RC3H1: variants seen among roughly 807,000 people sequenced by gnomAD.
RC3H1 encodes ring finger and CCCH-type domains 1, also known as roquin-1.
In RC3H1, 50 loss-of-function variants were observed where a neutral mutation model predicts 138.2. That is an observed-to-expected ratio of 0.36 (90% CI 0.29 to 0.46). The LOEUF (loss-of-function observed/expected upper bound fraction) is 0.46. Among genes scored for constraint, RC3H1 ranks in the 20% least tolerant of loss-of-function variants. RC3H1 has a pLI of 1.00. For missense variants in RC3H1, 1,031 were observed against 1,388.1 expected, an observed-to-expected ratio of 0.74 and a Z score of 4.09; for synonymous variants, 462 against 489.1, an observed-to-expected ratio of 0.94 and a Z score of 0.73.
Position 173,935,826 on chromosome 1 carries a change from T to C in RC3H1, c.*2895A>G, listed in dbSNP as rs952580403. 3.3e-5 allele frequency: 5 copies of C among 152,210 alleles called. No individual in the cohort carries two copies. The highest frequency in any genetic ancestry group is 7.3e-5 in the Non-Finnish European group (5 of 68,040). 9.4% of individuals were successfully genotyped at this position (152,210 alleles called of 1,614,324 possible). A position where few individuals can be genotyped will look rare whatever the true frequency, so the allele number is the denominator to read the frequency against. On this transcript the variant is annotated 3_prime_UTR_variant, in exon 20 of 20. Transcript: ENST00000367696. Reference sequence around the variant, plus strand: ...CCATTAGGTAAGGTGGAATGACCAATTTAAAATACATTATAGGCACAATGG... The same window carrying C: ...CCATTAGGTAAGGTGGAATGACCAACTTAAAATACATTATAGGCACAATGG...
At chr1:174,016,857 G>T (rs1200464057) in intron 1 of RC3H1, among the ~76,000 whole-genome samples, 2 of 141,766 alleles carry the variant, frequency 1.4e-5, no homozygotes, top group Non-Finnish European at 3.1e-5. Context: ...ATTCTAGAAA[G>T]AAAAAAAAAA....
chr1:173,939,150 A>G (rs534910100), intron 19 of RC3H1, among the ~76,000 whole-genome samples: 107 of 152,254 alleles, frequency 7.0e-4, no homozygotes, highest in Non-Finnish European at 1.2e-3. Flanking sequence ...ACCACAGAGC[A>G]GAGTTGAGAA....
chr1:173,990,730 G>A (rs568003047), intron 2 of RC3H1, among the ~76,000 whole-genome samples: 152 of 151,684 alleles, frequency 1.0e-3, no homozygotes, highest in Non-Finnish European at 1.8e-3. Context: ...GGCCTCCCAA[G>A]TAGCTGGGAC....
intron 1 of RC3H1, among the ~76,000 whole-genome samples, chr1:174,017,327 G>A (rs775725900): frequency 5.3e-5 from 8 of 152,054 alleles, no homozygotes; most frequent in Non-Finnish European, 1.2e-4. Context: ...AACCCTCTGG[G>A]GTGATCAAAA....
chr1:173,967,848 A>T lies in RC3H1; in HGVS notation c.1334+2657T>A, dbSNP rs371311369. ...GATGCTGGGTTGCAGTTCTTAAAAA[A>T]ATCTTTTCCTTCTTTCCTTATTTAA... On this transcript the variant is annotated intron_variant, in intron 9 of 19. Transcript: ENST00000367696. 2.8e-4 allele frequency among the ~76,000 whole-genome samples: 42 copies of T among 152,302 alleles called. No homozygotes were observed. In the Middle Eastern group the frequency reaches 0.01, roughly 37 times the overall value.
At chr1:173,962,217 GT>G in intron 11 of RC3H1, 122 bp from the exon 12 acceptor site, 1 of 956,244 alleles carries the variant, frequency 1.0e-6, no homozygotes, top group Non-Finnish European at 1.5e-6. Context: ...TTCTTTACGA[GT>G]TTTCCATCTG....
intron 1 of RC3H1, among the ~76,000 whole-genome samples, chr1:173,996,337 GA>G (rs1403636005): frequency 6.6e-6 from 1 of 152,014 alleles, no homozygotes; most frequent in African/African-American, 2.4e-5. Flanking sequence ...TGTGCTGAGG[GA>G]AAAGAACCCT....
intron 1 of RC3H1, among the ~76,000 whole-genome samples, chr1:174,008,218 A>AGGTT (rs1661686815): frequency 6.6e-6 from 1 of 152,224 alleles, no homozygotes; most frequent in Non-Finnish European, 1.5e-5. Flanking sequence ...AACCTAGTAT[A>AGGTT]TTTAATAATA....
At chr1:173,939,408 C>G (rs111883106) in intron 19 of RC3H1, among the ~76,000 whole-genome samples, 7,852 of 151,146 alleles carry the variant, frequency 0.052, 661 homozygotes, top group African/African-American at 0.18. Flanking sequence ...TGGTGTGTGC[C>G]TGTAAAAACC....
rs766759790 is a variant in RC3H1, at chr1:173,983,415, T to C, written c.592+3A>G. ...GAATAAATACCTAAAGTTAATTATG[T>C]ACCTGGTCCAAGGAACTGGCATCCC... On this transcript the variant is annotated splice_donor_region_variant and intron_variant, in intron 4 of 19. Transcript: ENST00000367696. The C allele has an allele frequency of 1.2e-6, 2 of 1,614,124 alleles. No homozygotes were observed. Among genetic ancestry groups the C allele is most frequent in the Non-Finnish European group, 8.5e-7 (1 of 1,179,966 alleles).
intron 1 of RC3H1, among the ~76,000 whole-genome samples, chr1:173,996,372 A>G (rs1260322955): frequency 1.3e-5 from 2 of 152,192 alleles, no homozygotes; most frequent in African/African-American, 4.8e-5. Context: ...ACGTATTAAT[A>G]TATGTAAATG....
chr1:173,952,706 G>A (rs944157000), intron 13 of RC3H1, among the ~76,000 whole-genome samples: 1 of 152,086 alleles, frequency 6.6e-6, no homozygotes, highest in Non-Finnish European at 1.5e-5. Context: ...GAGATGAAAA[G>A]GATGTCTAAT....
intron 15 of RC3H1, 44 bp downstream of exon 15, chr1:173,947,325 A>C (rs1310397725): frequency 1.5e-6 from 2 of 1,368,294 alleles, no homozygotes; most frequent in Non-Finnish European, 2.1e-6. Context: ...GCTGAAAGTC[A>C]AGATTATGAA....
chr1:173,938,631 A>C lies in RC3H1; in HGVS notation c.*90T>G. 1.0e-6 allele frequency: 1 copy of C among 988,890 alleles called. No homozygotes were observed. The highest frequency in any genetic ancestry group is 1.4e-6 in the Non-Finnish European group (1 of 696,732). 61.3% of individuals were successfully genotyped at this position (988,890 alleles called of 1,614,324 possible). A position where few individuals can be genotyped will look rare whatever the true frequency, so the allele number is the denominator to read the frequency against. On this transcript the variant is annotated 3_prime_UTR_variant, in exon 20 of 20. Coordinates refer to ENST00000367696, the MANE Select transcript of RC3H1 (RefSeq NM_172071.4). ...TCCTGGATTTCTCTGACCGCTCTTAAGAGAAAAAGTTTAGAAGTTATGCGT... is the reference window on the plus strand; with the variant it reads ...TCCTGGATTTCTCTGACCGCTCTTACGAGAAAAAGTTTAGAAGTTATGCGT...
At position 173,963,654 on chromosome 1, in the gene RC3H1, CAGG is replaced by C. The variant is rs563272684; in HGVS notation, c.1831+316_1831+318del. On this transcript the variant is annotated intron_variant, in intron 11 of 19. Transcript: ENST00000367696. Reference sequence around the variant, plus strand: ...TTTCATGCTTGAAGAAAATTTTGGTCAGGAGAATATATGCTGCCTTACTCAGCA... The same window carrying C: ...TTTCATGCTTGAAGAAAATTTTGGTCAGAATATATGCTGCCTTACTCAGCA... Among the ~76,000 whole-genome samples the C allele has an allele frequency of 2.6e-5, 4 of 152,212 alleles. No individual in the cohort carries two copies. The South Asian group carries it at 8.3e-4, about 32-fold the overall frequency.
At chr1:173,946,244 C>T (rs766836070) in intron 17 of RC3H1, among the ~76,000 whole-genome samples, 5 of 152,036 alleles carry the variant, frequency 3.3e-5, no homozygotes, top group African/African-American at 4.8e-5. Context: ...AATATAAGCT[C>T]CTGTTGGGAA....
In RC3H1 at chr1:173,972,497, C is replaced by T; in HGVS notation, c.1221+12G>A. ...CAGTGGGTTAACTCTAAGTTTTAAA[C>T]AGCTTCCTTACCTGCTGCTGATCTG... On this transcript the variant is annotated intron_variant, in intron 8 of 19. Transcript: ENST00000367696. 2 of 1,595,898 alleles carry T rather than the reference C, an allele frequency of 1.3e-6. No homozygotes were observed. Among genetic ancestry groups the T allele is most frequent in the Non-Finnish European group, 1.7e-6 (2 of 1,163,726 alleles).
At chr1:173,982,983 C>A (rs1660883630) in intron 4 of RC3H1, 81 bp from the exon 5 acceptor site, 4 of 1,279,226 alleles carry the variant, frequency 3.1e-6, no homozygotes, top group Non-Finnish European at 4.3e-6. Flanking sequence ...AATATTTAAT[C>A]ATTTCTGCAG....
At chr1:173,964,744 G>GTT in intron 10 of RC3H1, 95 bp downstream of exon 10, 166 of 940,196 alleles carry the variant, frequency 1.8e-4, no homozygotes, top group Middle Eastern at 3.8e-4. Context: ...AATAATCAGG[G>GTT]TTTTTTTTTT....
Sources: allele counts gnomAD v4.1 joint callset (sites outside exome capture counted in the v4.1 genomes callset), GRCh38; gene constraint gnomAD v4.1.1; transcripts MANE v1.5; gene names NCBI Gene and HGNC (gene_info 2026-07-23, HGNC 2026-07-21).